The following ANAPC4 variants were observed in gnomAD, a reference collection of about 807,000 sequenced individuals.
ANAPC4 encodes anaphase promoting complex subunit 4, also known as anaphase-promoting complex subunit 4.
In ANAPC4, 63 loss-of-function variants were observed where a neutral mutation model predicts 119.8. The observed-to-expected ratio is 0.53, with a 90% CI of 0.43 to 0.65. The LOEUF is 0.65. ANAPC4 is among the 30% of genes least tolerant of loss of function. The probability of loss-of-function intolerance (pLI) is 0.00; values close to 1 mark genes in which losing one functional copy is unlikely to be tolerated. For synonymous variants in ANAPC4, 283 were observed against 318.6 expected (o/e 0.89, Z 1.19); for missense variants, 716 against 945.1 (o/e 0.76, Z 3.18).
rs371912148 is a variant in ANAPC4, at chr4:25,394,332, T to C, written c.899T>C (p.Val300Ala). 3.8e-6 allele frequency: 6 copies of C among 1,587,290 alleles called. No individual in the cohort carries two copies. The highest frequency in any genetic ancestry group is 4.3e-6 in the Non-Finnish European group (5 of 1,173,820). Reference protein sequence around the residue: ...FVQEKNTTTSVQDEFMHLLLW... With the variant: ...FVQEKNTTTSAQDEFMHLLLW... ...CAGGAAAAGAACACAACCACATCAG[T>C]GCAAGATGAGTTCATGCACTTGCTA... The change falls in exon 12 of 29, where the codon GTG (valine) becomes GCG (alanine). Residue 300 changes from valine to alanine, a missense_variant. Val to Ala is a moderately conservative substitution (Grantham distance 64). Coordinates refer to ENST00000315368, the MANE Select transcript of ANAPC4 (RefSeq NM_013367.3).
chr4:25,414,446 C>A lies in ANAPC4; in HGVS notation c.1686-20C>A. ...CAGCCAATTTAAATTTTTCTCATTT[C>A]TTTTTCCCTTTTATTTTAGTGAGGA... On this transcript the variant is annotated intron_variant, in intron 23 of 28. Coordinates refer to ENST00000315368, the MANE Select transcript of ANAPC4 (RefSeq NM_013367.3). 5 of 1,598,854 alleles carry A rather than the reference C, an allele frequency of 3.1e-6. No individual in the cohort carries two copies. The South Asian group carries it at 4.5e-5, about 14-fold the overall frequency.
At chr4:25,394,599 T>G in intron 12 of ANAPC4, 72 bp from the exon 13 acceptor site, 1 of 1,470,388 alleles carries the variant, frequency 6.8e-7, no homozygotes, top group Non-Finnish European at 9.2e-7. Flanking sequence ...GCTTCGAAAT[T>G]TAAAAGTTGT....
At position 25,405,637 on chromosome 4, in the gene ANAPC4, A is replaced by AT. The variant is rs763079148; in HGVS notation, c.1317+22dup. On this transcript the variant is annotated intron_variant, in intron 18 of 28. Coordinates refer to ENST00000315368, the MANE Select transcript of ANAPC4 (RefSeq NM_013367.3). This position sits in a 1 kb window ranked among gnomAD's most constrained non-coding sequence, Gnocchi z 4.6. ...TGAATAAGGTAGTATGTACTAGTGCATTTTCACAGTGTTCACATTGTCCTG... is the reference window on the plus strand; with the variant it reads ...TGAATAAGGTAGTATGTACTAGTGCATTTTTCACAGTGTTCACATTGTCCTG... 3.0e-4 allele frequency: 483 copies of AT among 1,611,816 alleles called. No individual in the cohort carries two copies. The highest frequency in any genetic ancestry group is 4.0e-4 in the Non-Finnish European group (473 of 1,178,442).
chr4:25,390,890 A>G, intron 8 of ANAPC4, 21 bp from the exon 9 acceptor site: 1 of 1,566,886 alleles, frequency 6.4e-7, no homozygotes, highest in Non-Finnish European at 8.8e-7. Context: ...AAATATACTA[A>G]GGGGTTTGAC....
intron 4 of ANAPC4, among the ~76,000 whole-genome samples, chr4:25,384,061 A>G (rs1270443159): frequency 1.3e-5 from 2 of 152,238 alleles, no homozygotes; most frequent in African/African-American, 4.8e-5. Context: ...CTCCAACTCT[A>G]CTGCTGCTTT....
chr4:25,399,855 G>A (rs1390626879), intron 16 of ANAPC4, among the ~76,000 whole-genome samples: 1 of 152,176 alleles, frequency 6.6e-6, no homozygotes, highest in Non-Finnish European at 1.5e-5. Flanking sequence ...TTTAAGAATG[G>A]GGACGATGAA....
At chr4:25,395,129 T>C (rs1014864721) in intron 14 of ANAPC4, 1 of 422,472 alleles carries the variant, frequency 2.4e-6, no homozygotes, top group Admixed American at 4.2e-5. Context: ...CAGGCTAGAC[T>C]CTATCTGGGT....
chr4:25,411,382 A>G (rs551673647), intron 21 of ANAPC4, among the ~76,000 whole-genome samples: 13 of 144,478 alleles, frequency 9.0e-5, no homozygotes, highest in African/African-American at 2.5e-5. Flanking sequence ...ACGTGTTTGA[A>G]TAAGAAAGGC....
intron 21 of ANAPC4, among the ~76,000 whole-genome samples, chr4:25,412,114 G>A (rs1223940849): frequency 3.3e-5 from 5 of 151,954 alleles, no homozygotes; most frequent in African/African-American, 1.2e-4. Context: ...ACAAAACTCC[G>A]GGAAACATAT....
chr4:25,382,873 C>T (rs1721816393), intron 3 of ANAPC4, among the ~76,000 whole-genome samples: 1 of 152,180 alleles, frequency 6.6e-6, no homozygotes, highest in Non-Finnish European at 1.5e-5. Context: ...AAAAGCATTC[C>T]AAGAACAAAG....
rs115123680 is a variant in ANAPC4 at position 25,386,156 on chromosome 4, G to A, written c.369-2344G>A. ...TTGAACTTCCGACCTCAGGTAACCC[G>A]CCCGCTTCGGCCTCCCAAAGTGCTG... On this transcript the variant is annotated intron_variant, in intron 4 of 28. Transcript: ENST00000315368. Among the ~76,000 whole-genome samples, 942 of 151,988 alleles carry A rather than the reference G, an allele frequency of 6.2e-3. 3 individuals carry two copies. Among genetic ancestry groups the A allele is most frequent in the Non-Finnish European group, 0.011 (730 of 67,948 alleles).
intron 4 of ANAPC4, among the ~76,000 whole-genome samples, chr4:25,385,431 A>G (rs1329418012): frequency 1.3e-5 from 2 of 152,180 alleles, no homozygotes; most frequent in African/African-American, 4.8e-5. Flanking sequence ...GAAGTTCTGT[A>G]TAACTTGTTG....
At chr4:25,417,785 A>T (rs773486729) in intron 28 of ANAPC4, 46 bp downstream of exon 28, 2 of 1,568,996 alleles carry the variant, frequency 1.3e-6, no homozygotes, top group Non-Finnish European at 8.6e-7. Flanking sequence ...TACAAGAAGT[A>T]ACGTTGCTTC....
At chr4:25,387,938 A>G (rs1560431876) in intron 4 of ANAPC4, among the ~76,000 whole-genome samples, 3 of 152,058 alleles carry the variant, frequency 2.0e-5, no homozygotes, top group Non-Finnish European at 4.4e-5. Flanking sequence ...CAGTCTGGGC[A>G]ACATAGTGAG....
At chr4:25,408,444 AG>A (rs1327912378) in intron 20 of ANAPC4, among the ~76,000 whole-genome samples, 3 of 152,044 alleles carry the variant, frequency 2.0e-5, no homozygotes, top group Non-Finnish European at 4.4e-5. Flanking sequence ...ACTATAAGCT[AG>A]ATTTCATTAA....
intron 3 of ANAPC4, among the ~76,000 whole-genome samples, chr4:25,382,564 GT>G (rs1721799864): frequency 6.6e-6 from 1 of 152,002 alleles, no homozygotes; most frequent in Non-Finnish European, 1.5e-5. Flanking sequence ...AAAGTCTCAT[GT>G]TTTTGGACAG....
intron 20 of ANAPC4, among the ~76,000 whole-genome samples, chr4:25,408,628 T>A (rs1411458438): frequency 1.3e-5 from 2 of 152,000 alleles, no homozygotes; most frequent in Non-Finnish European, 2.9e-5. Flanking sequence ...GACTCGCCTC[T>A]TGTAGCTGGG....
intron 19 of ANAPC4, 89 bp downstream of exon 19, chr4:25,406,974 T>G (rs773956499): frequency 5.3e-5 from 59 of 1,109,814 alleles, no homozygotes; most frequent in Non-Finnish European, 7.5e-5. Context: ...TTAACCCAAT[T>G]TAATTGAAGT....
chr4:25,388,377 G>C, intron 4 of ANAPC4, 123 bp from the exon 5 acceptor site: 1 of 662,954 alleles, frequency 1.5e-6, no homozygotes, highest in East Asian at 2.6e-5. Context: ...TATAGTATTT[G>C]TGTCATCTAT....
Sources: allele counts gnomAD v4.1 joint callset (sites outside exome capture counted in the v4.1 genomes callset), GRCh38; gene constraint gnomAD v4.1.1; non-coding constraint Gnocchi (gnomAD v3.1); transcripts MANE v1.5; gene names NCBI Gene and HGNC (gene_info 2026-07-23, HGNC 2026-07-21).